RAC2: variants seen among roughly 807,000 people sequenced by gnomAD.
The protein encoded by RAC2 is Rac family small GTPase 2, also known as ras-related C3 botulinum toxin substrate 2.
In RAC2, 1 loss-of-function variant was observed where a neutral mutation model predicts 24.0. That is an observed-to-expected ratio of 0.04 (90% CI 0.01 to 0.20). The LOEUF (loss-of-function observed/expected upper bound fraction) is 0.20. RAC2 is among the 10% of genes least tolerant of loss of function. The pLI is 1.00. For synonymous variants in RAC2, 114 were observed against 106.8 expected, an observed-to-expected ratio of 1.07 and a Z score of -0.41; for missense variants, 130 against 259.1, an observed-to-expected ratio of 0.50 and a Z score of 3.42.
At chr22:37,233,064 G>A (rs1927119200) in intron 2 of RAC2, 146 bp from the exon 3 acceptor site, 4 of 692,590 alleles carry the variant, frequency 5.8e-6, no homozygotes, top group Non-Finnish European at 1.1e-5. Flanking sequence ...TTGCAATTGG[G>A]TTTCTTTATT....
chr22:37,242,295 G>C (rs913084887), intron 1 of RAC2, among the ~76,000 whole-genome samples: 6 of 152,184 alleles, frequency 3.9e-5, no homozygotes, highest in African/African-American at 1.4e-4. Context: ...AGAGTGGTCT[G>C]GGTTCAAATC....
intron 2 of RAC2, among the ~76,000 whole-genome samples, chr22:37,239,145 G>A (rs1927319548): frequency 6.6e-6 from 1 of 152,160 alleles, no homozygotes; most frequent in South Asian, 2.1e-4. Context: ...CACAGGCATT[G>A]GCAGTAGCAG....
At chr22:37,241,157 C>A in intron 2 of RAC2, 1 of 778,732 alleles carries the variant, frequency 1.3e-6, no homozygotes, top group Non-Finnish European at 2.4e-6. Flanking sequence ...GAGCGCAGGG[C>A]CTCCCAGGCC....
intron 6 of RAC2, 58 bp downstream of exon 6, chr22:37,226,613 C>T: frequency 1.3e-6 from 2 of 1,596,182 alleles, no homozygotes; most frequent in Non-Finnish European, 1.7e-6. Context: ...CCAAAGGCCA[C>T]TGCTCAGCCA....
intron 2 of RAC2, among the ~76,000 whole-genome samples, chr22:37,239,569 C>A (rs1296384199): frequency 2.0e-5 from 3 of 152,216 alleles, no homozygotes; most frequent in Non-Finnish European, 4.4e-5. Flanking sequence ...CTGGCCTCAG[C>A]AGCCTCAGCC....
chr22:37,232,528 C>T (rs1203958973), intron 3 of RAC2: 1 of 512,266 alleles, frequency 2.0e-6, no homozygotes, highest in African/African-American at 1.9e-5. Flanking sequence ...GCAGAATCCA[C>T]CTGCCCCACC....
intron 1 of RAC2, 98 bp from the exon 2 acceptor site, chr22:37,241,756 C>T: frequency 9.2e-7 from 1 of 1,084,596 alleles, no homozygotes; most frequent in South Asian, 1.3e-5. Flanking sequence ...CAGCATCCAC[C>T]CAGCCTAGCC....
At position 37,225,896 on chromosome 22, in the gene RAC2, G is replaced by A. The variant is rs1038805615; in HGVS notation, c.*146C>T. The stretch of plus-strand genomic sequence containing the variant: ...CTGGCCTCAGGAGGCCTCCAGTACA[G>A]AAAAGACCATCAACGAAGCTCTGCA... On this transcript the variant is annotated 3_prime_UTR_variant, in exon 7 of 7. Coordinates refer to ENST00000249071, the MANE Select transcript of RAC2 (RefSeq NM_002872.5). 1 of 152,542 alleles carries A rather than the reference G, an allele frequency of 6.6e-6. No individual in the cohort carries two copies. Among genetic ancestry groups the A allele is most frequent in the African/African-American group, 2.4e-5 (1 of 41,414 alleles). 9.4% of individuals were successfully genotyped at this position (152,542 alleles called of 1,614,324 possible). A position where few individuals can be genotyped will look rare whatever the true frequency, so the allele number is the denominator to read the frequency against.
Position 37,231,465 on chromosome 22 carries a change from A to G in RAC2, c.289-75T>C. On this transcript the variant is annotated intron_variant, in intron 4 of 6. Coordinates refer to ENST00000249071, the MANE Select transcript of RAC2 (RefSeq NM_002872.5). The surrounding 1 kb of genome is among the most constrained non-coding windows in gnomAD (Gnocchi z 5.5). ...GCGAGGCTGTGCGGGGATCAGAGGG[A>G]GTGTGAGGGTGTAGGGAGAGGAGAG... The G allele has an allele frequency of 7.0e-7, 1 of 1,435,360 alleles. No individual in the cohort carries two copies. Among genetic ancestry groups the G allele is most frequent in the Admixed American group, 1.7e-5 (1 of 59,140 alleles). The allele number at this position is 1,435,360 out of a possible 1,614,324, so 88.9% of individuals were successfully genotyped here. A position where few individuals can be genotyped will look rare whatever the true frequency, so the allele number is the denominator to read the frequency against.
intron 5 of RAC2, 42 bp from the exon 6 acceptor site, chr22:37,226,845 G>GA (rs1926852414): frequency 6.3e-7 from 1 of 1,583,672 alleles, no homozygotes; most frequent in African/African-American, 1.4e-5. Context: ...CCTAAGTGGC[G>GA]GGGGGGGTTC....
Position 37,232,869 on chromosome 22 carries a change from G to A in RAC2, c.157C>T (p.Leu53=), listed in dbSNP as rs776796919. ...NVMVDSKPVN[L]GLWDTAGQED... Reference sequence around the variant, plus strand: ...TGCCCAGCAGTGTCCCACAGCCCCAGGTTCACTGGCTTGCTGTCCACCATC... The same window carrying A: ...TGCCCAGCAGTGTCCCACAGCCCCAAGTTCACTGGCTTGCTGTCCACCATC... Residue 53 remains leucine, a synonymous_variant, in exon 3 of 7, where the codon CTG becomes TTG. Transcript: ENST00000249071. 8 of 1,614,138 alleles carry A rather than the reference G, an allele frequency of 5.0e-6. No homozygotes were observed. In the South Asian group the frequency reaches 8.8e-5, roughly 18 times the overall value.
chr22:37,231,881 C>A lies in RAC2; in HGVS notation c.288+51G>T, dbSNP rs1478491343. 4 of 1,539,024 alleles carry A rather than the reference C, an allele frequency of 2.6e-6. No homozygotes were observed. The South Asian group carries it at 3.6e-5, about 14-fold the overall frequency. On this transcript the variant is annotated intron_variant, in intron 4 of 6. Transcript: ENST00000249071. The surrounding 1 kb of genome is among the most constrained non-coding windows in gnomAD (Gnocchi z 5.5). ...AGAGTCACCAGTTCCTCCCTCTGTC[C>A]CTCAGGGTTACCTGCCCCAGAGCCC...
At chr22:37,232,573 A>G (rs1357641346) in intron 3 of RAC2, 5 of 558,210 alleles carry the variant, frequency 9.0e-6, no homozygotes, top group Non-Finnish European at 1.6e-5. Context: ...CCAGGAGGCA[A>G]TGGGGTGGGA....
At chr22:37,237,845 G>A (rs1244177551) in intron 2 of RAC2, among the ~76,000 whole-genome samples, 2 of 151,944 alleles carry the variant, frequency 1.3e-5, no homozygotes, top group South Asian at 2.1e-4. Context: ...GAGGAGGAGT[G>A]GCAGCAAAGG....
rs1038556287 is a variant in RAC2, at chr22:37,238,035, T to C, written c.107+3552A>G. Among the ~76,000 whole-genome samples, 7 of 150,278 alleles carry C rather than the reference T, an allele frequency of 4.7e-5. No homozygotes were observed. The East Asian group carries it at 1.4e-3, about 29-fold the overall frequency. On this transcript the variant is annotated intron_variant, in intron 2 of 6. Transcript: ENST00000249071. ...GGGTTCTGGGTGTCATAAAGGGGAG[T>C]GAAGAGGTTCGGGGGAGGCAGAGAT...
chr22:37,227,612 C>T (rs1926919748), intron 5 of RAC2, among the ~76,000 whole-genome samples: 1 of 141,562 alleles, frequency 7.1e-6, no homozygotes, highest in Admixed American at 7.0e-5. Flanking sequence ...ACCATACACC[C>T]CTCCCACGCC....
intron 1 of RAC2, among the ~76,000 whole-genome samples, chr22:37,242,290 G>T (rs527872573): frequency 6.2e-4 from 94 of 152,306 alleles, no homozygotes; most frequent in Admixed American, 2.3e-3. Flanking sequence ...GAGTCAGAGT[G>T]GTCTGGGTTC....
intron 1 of RAC2, among the ~76,000 whole-genome samples, chr22:37,243,561 G>A (rs1196307209): frequency 2.6e-5 from 4 of 152,084 alleles, no homozygotes; most frequent in African/African-American, 9.7e-5. Context: ...AAGTGGAGGG[G>A]GTGCTAGAAG....
At chr22:37,232,379 G>A (rs1927092367) in intron 3 of RAC2, 2 of 421,740 alleles carry the variant, frequency 4.7e-6, no homozygotes, top group Non-Finnish European at 8.9e-6. Flanking sequence ...TCCACCATCT[G>A]ATTACCGGCC....
Sources: allele counts gnomAD v4.1 joint callset (sites outside exome capture counted in the v4.1 genomes callset), GRCh38; gene constraint gnomAD v4.1.1; non-coding constraint Gnocchi (gnomAD v3.1); transcripts MANE v1.5; gene names NCBI Gene and HGNC (gene_info 2026-07-23, HGNC 2026-07-21).